The following PTPRA variants were observed in gnomAD, a reference collection of about 807,000 sequenced individuals.
The protein encoded by PTPRA is protein tyrosine phosphatase receptor type A, also known as receptor-type tyrosine-protein phosphatase alpha.
A neutral mutation model predicts 104.8 loss-of-function variants in PTPRA; 25 were observed. The observed-to-expected ratio is 0.24, with a 90% CI of 0.17 to 0.33. The LOEUF (loss-of-function observed/expected upper bound fraction) is 0.33. Among genes scored for constraint, PTPRA ranks in the 10% least tolerant of loss-of-function variants. The pLI is 1.00. For synonymous variants in PTPRA, 323 were observed against 368.9 expected, an observed-to-expected ratio of 0.88 and a Z score of 1.43; for missense variants, 765 against 1,015.3, an observed-to-expected ratio of 0.75 and a Z score of 3.35.
intron 19 of PTPRA, 107 bp downstream of exon 19, chr20:3,027,304 G>A: frequency 8.5e-7 from 1 of 1,179,544 alleles, no homozygotes; most frequent in South Asian, 1.3e-5. Context: ...GTTTGAATCA[G>A]TCAACAAATA....
upstream of PTPRA, among the ~76,000 whole-genome samples, chr20:2,869,420 T>C (rs1414661325): frequency 6.6e-6 from 1 of 152,246 alleles, no homozygotes; most frequent in Non-Finnish European, 1.5e-5. Context: ...TATAAGCCTA[T>C]GAATTGTGAC....
At chr20:3,017,344 A>G (rs1430933013) in intron 12 of PTPRA, among the ~76,000 whole-genome samples, 1 of 151,980 alleles carries the variant, frequency 6.6e-6, no homozygotes, top group East Asian at 1.9e-4. Context: ...TTTGTTTAGA[A>G]TTTTCTAGTG....
intron 1 of PTPRA, among the ~76,000 whole-genome samples, chr20:2,906,465 A>G (rs774869086): frequency 2.6e-5 from 4 of 152,206 alleles, no homozygotes; most frequent in Admixed American, 6.5e-5. Flanking sequence ...TGCAGGCTGA[A>G]GTAGAATCAA....
At chr20:2,917,873 G>A (rs1023205676) in intron 1 of PTPRA, among the ~76,000 whole-genome samples, 5 of 151,942 alleles carry the variant, frequency 3.3e-5, no homozygotes, top group South Asian at 4.2e-4. Flanking sequence ...GGTGGATCTC[G>A]AGGTCAGGAG....
chr20:2,909,008 A>C (rs2059528022), intron 1 of PTPRA, among the ~76,000 whole-genome samples: 1 of 152,216 alleles, frequency 6.6e-6, no homozygotes, highest in Non-Finnish European at 1.5e-5. Flanking sequence ...GGAAAGCTAT[A>C]TAAGCCACTC....
intron 3 of PTPRA, among the ~76,000 whole-genome samples, chr20:2,957,098 A>G (rs1461475825): frequency 6.6e-6 from 1 of 152,156 alleles, no homozygotes; most frequent in Non-Finnish European, 1.5e-5. Context: ...ATCCTGGCCA[A>G]CACAGTGAAA....
rs573841234 is a variant in PTPRA at position 2,897,060 on chromosome 20, C to T, written c.-129+23300C>T. Among the ~76,000 whole-genome samples the T allele has an allele frequency of 3.0e-4, 46 of 152,318 alleles. 1 individual carries two copies. The South Asian group carries it at 9.3e-3, about 31-fold the overall frequency. On this transcript the variant is annotated intron_variant, in intron 1 of 23. Coordinates refer to ENST00000399903, the MANE Select transcript of PTPRA (RefSeq NM_001385305.1). ...AATACCAAAGACACGATATTATGTT[C>T]TTCTCACTGCATCGTATCAAGAGGT...
At chr20:2,888,143 G>T (rs1310101757) in intron 1 of PTPRA, among the ~76,000 whole-genome samples, 2 of 152,164 alleles carry the variant, frequency 1.3e-5, no homozygotes, top group Admixed American at 1.3e-4. Flanking sequence ...GGAAGACAAA[G>T]AAAACCCCTT....
At chr20:2,864,605 A>G in the PTPRA span, 1 of 1,614,130 alleles carries the variant, frequency 6.2e-7, no homozygotes, top group Non-Finnish European at 8.5e-7. This position sits in a 1 kb window ranked among gnomAD's most constrained non-coding sequence, Gnocchi z 5.2. Context: ...GATGACAATC[A>G]CCAGGAATTG....
intron 9 of PTPRA, among the ~76,000 whole-genome samples, chr20:3,002,395 T>C (rs2063675549): frequency 1.3e-5 from 2 of 150,424 alleles, no homozygotes; most frequent in African/African-American, 2.4e-5. Flanking sequence ...GGCGCAGTCT[T>C]GGCTCACTGC....
At chr20:2,929,017 G>C (rs960346206) in intron 2 of PTPRA, among the ~76,000 whole-genome samples, 1 of 151,872 alleles carries the variant, frequency 6.6e-6, no homozygotes, top group East Asian at 1.9e-4. Flanking sequence ...TTTTAGTAGT[G>C]ACAGGGTCTC....
rs977717394 is a variant in PTPRA at position 2,950,591 on chromosome 20, C to T, written c.-7+2567C>T. On this transcript the variant is annotated intron_variant, in intron 3 of 23. Transcript: ENST00000399903. The surrounding 1 kb of genome is among the most constrained non-coding windows in gnomAD (Gnocchi z 4.0). Reference sequence around the variant, plus strand: ...CCAGGAGGCGGAGGTTGCAGTGAGCCGAGATCGCACCACTGCACTCCAGCC... The same window carrying T: ...CCAGGAGGCGGAGGTTGCAGTGAGCTGAGATCGCACCACTGCACTCCAGCC... Among the ~76,000 whole-genome samples the T allele has an allele frequency of 2.0e-5, 3 of 151,350 alleles. No homozygotes were observed. The highest frequency in any genetic ancestry group is 2.1e-4 in the South Asian group (1 of 4,784).
intron 1 of PTPRA, among the ~76,000 whole-genome samples, chr20:2,911,811 A>G (rs1399436981): frequency 2.6e-5 from 4 of 152,194 alleles, no homozygotes; most frequent in African/African-American, 9.7e-5. Flanking sequence ...TTAGGAAAGC[A>G]TATTTCAAGA....
At chr20:2,909,977 C>CATA (rs1465422444) in intron 1 of PTPRA, among the ~76,000 whole-genome samples, 1,329 of 109,826 alleles carry the variant, frequency 0.012, 26 homozygotes, top group African/African-American at 0.048. Flanking sequence ...TATATATAAT[C>CATA]TATCATATAT....
At chr20:2,889,704 A>G (rs1046372697) in intron 1 of PTPRA, among the ~76,000 whole-genome samples, 1 of 152,204 alleles carries the variant, frequency 6.6e-6, no homozygotes, top group Non-Finnish European at 1.5e-5. Context: ...TGGTTATCAG[A>G]TTAAAAATAC....
intron 6 of PTPRA, among the ~76,000 whole-genome samples, chr20:2,975,458 C>A (rs988637210): frequency 2.6e-5 from 4 of 152,164 alleles, no homozygotes; most frequent in African/African-American, 9.7e-5. Flanking sequence ...ATTCTAACAG[C>A]TATGATGTAT....
intron 11 of PTPRA, among the ~76,000 whole-genome samples, chr20:3,009,185 TCTGAGGTCC>T (rs1201810324): frequency 6.6e-6 from 1 of 151,976 alleles, no homozygotes; most frequent in Non-Finnish European, 1.5e-5. Flanking sequence ...TAGAACAGCT[TCTGAGGTCC>T]CTGAGAAAAG....
chr20:2,914,675 T>TG (rs1249004879), intron 1 of PTPRA, among the ~76,000 whole-genome samples: 1 of 152,308 alleles, frequency 6.6e-6, no homozygotes, highest in East Asian at 1.9e-4. Context: ...ATCATGTGCA[T>TG]GCTAACCTTG....
chr20:2,998,974 GAATT>G (rs2063519783), intron 9 of PTPRA, among the ~76,000 whole-genome samples: 1 of 149,396 alleles, frequency 6.7e-6, no homozygotes, highest in African/African-American at 2.5e-5. Flanking sequence ...TGACATTATA[GAATT>G]AATATGACAT....
Sources: gnomAD v4.1 joint callset for allele counts (sites outside exome capture counted in the v4.1 genomes callset) on GRCh38, gnomAD v4.1.1 for gene constraint, Gnocchi (gnomAD v3.1) non-coding constraint, MANE v1.5 for transcripts, NCBI Gene and HGNC (gene_info 2026-07-23, HGNC 2026-07-21) for gene names.